CDC42EP3: variants seen among roughly 807,000 people sequenced by gnomAD.
CDC42EP3 encodes the protein CDC42 effector protein (Rho GTPase binding) 3.
Under a neutral mutation model 15.5 loss-of-function variants are expected in CDC42EP3, and 4 were observed. The observed-to-expected ratio is 0.26, with a 90% CI of 0.13 to 0.59. The LOEUF is 0.59. Ranked by LOEUF, CDC42EP3 falls within the 20% of genes least tolerant of loss-of-function variation. CDC42EP3 has a pLI of 0.89. For missense variants in CDC42EP3, 309 were observed against 311.2 expected, an observed-to-expected ratio of 0.99 and a Z score of 0.05; for synonymous variants, 145 against 130.3, an observed-to-expected ratio of 1.11 and a Z score of -0.77.
At chr2:37,660,948 G>C (rs1016092717) in intron 1 of CDC42EP3, among the ~76,000 whole-genome samples, 1 of 152,156 alleles carries the variant, frequency 6.6e-6, no homozygotes, top group Non-Finnish European at 1.5e-5. Flanking sequence ...TACCATATGG[G>C]AGTCCAGATT....
chr2:37,655,078 T>A (rs1665806080), intron 1 of CDC42EP3, among the ~76,000 whole-genome samples: 1 of 152,216 alleles, frequency 6.6e-6, no homozygotes, highest in Non-Finnish European at 1.5e-5. Flanking sequence ...GCCTTTTCTA[T>A]TTTTAGATTC....
chr2:37,651,691 T>C (rs1474471859), intron 1 of CDC42EP3, among the ~76,000 whole-genome samples: 1 of 151,720 alleles, frequency 6.6e-6, no homozygotes, highest in East Asian at 1.9e-4. Flanking sequence ...ATTCAACAGG[T>C]GGGAGAGGAT....
At chr2:37,665,377 C>G (rs1266616792) in intron 1 of CDC42EP3, among the ~76,000 whole-genome samples, 2 of 151,970 alleles carry the variant, frequency 1.3e-5, no homozygotes, top group African/African-American at 4.8e-5. Flanking sequence ...TGTTTTCTGA[C>G]TAGCTGGTCA....
At chr2:37,662,330 A>T (rs1332748787) in intron 1 of CDC42EP3, among the ~76,000 whole-genome samples, 1 of 152,192 alleles carries the variant, frequency 6.6e-6, no homozygotes. Flanking sequence ...CTGGCAGGCA[A>T]TGAGCCCATA....
At chr2:37,662,200 G>A (rs560818176) in intron 1 of CDC42EP3, among the ~76,000 whole-genome samples, 6 of 152,288 alleles carry the variant, frequency 3.9e-5, no homozygotes, top group South Asian at 2.1e-4. Flanking sequence ...ATTAAATTAA[G>A]GGTCCTGAGC....
intron 1 of CDC42EP3, among the ~76,000 whole-genome samples, chr2:37,653,729 T>G (rs147197431): frequency 6.2e-4 from 95 of 152,130 alleles, no homozygotes; most frequent in African/African-American, 2.1e-3. Flanking sequence ...CTACTAATTG[T>G]TTTTAGATTA....
intron 1 of CDC42EP3, among the ~76,000 whole-genome samples, chr2:37,656,990 A>ACCCCCCCC (rs1558340416): frequency 2.4e-5 from 1 of 42,300 alleles, no homozygotes; most frequent in African/African-American, 8.3e-5. Context: ...CCCCCCCCCC[A>ACCCCCCCC]CCCCCCGCCC....
chr2:37,663,270 A>G (rs1666135816), intron 1 of CDC42EP3, among the ~76,000 whole-genome samples: 1 of 152,226 alleles, frequency 6.6e-6, no homozygotes. Context: ...ACAAACATCC[A>G]TGGAGGGCCT....
In CDC42EP3 at chr2:37,645,415, G is replaced by A. The variant is rs1346030703; in HGVS notation, c.*408C>T. Reference sequence around the variant, plus strand: ...AGAAAAGAGTCTACAAAAAGGCTTAGGTGTTAAATAAATTTTGACTTCCTC... The same window carrying A: ...AGAAAAGAGTCTACAAAAAGGCTTAAGTGTTAAATAAATTTTGACTTCCTC... On this transcript the variant is annotated 3_prime_UTR_variant, in exon 2 of 2. Transcript: ENST00000295324. 6.4e-6 allele frequency: 1 copy of A among 157,398 alleles called. No individual in the cohort carries two copies. Among genetic ancestry groups the A allele is most frequent in the Non-Finnish European group, 1.4e-5 (1 of 71,402 alleles). The allele number at this position is 157,398 out of a possible 1,614,324, so 9.8% of individuals were successfully genotyped here. A position where few individuals can be genotyped will look rare whatever the true frequency, so the allele number is the denominator to read the frequency against.
At chr2:37,668,464 G>A (rs1406664641) in intron 1 of CDC42EP3, among the ~76,000 whole-genome samples, 1 of 152,202 alleles carries the variant, frequency 6.6e-6, no homozygotes, top group African/African-American at 2.4e-5. Context: ...CTGAGGTAAA[G>A]GTGAGGTAAC....
At chr2:37,669,028 G>T (rs189718024) in intron 1 of CDC42EP3, among the ~76,000 whole-genome samples, 98 of 152,196 alleles carry the variant, frequency 6.4e-4, no homozygotes, top group African/African-American at 2.3e-3. Context: ...AAGAAATACA[G>T]GTTCACAGGA....
chr2:37,653,575 G>A (rs962588884), intron 1 of CDC42EP3, among the ~76,000 whole-genome samples: 23 of 152,222 alleles, frequency 1.5e-4, no homozygotes, highest in African/African-American at 5.5e-4. Flanking sequence ...GGAAAATCAA[G>A]CGGTTTTAAA....
At chr2:37,666,151 C>T (rs947922118) in intron 1 of CDC42EP3, among the ~76,000 whole-genome samples, 26 of 152,164 alleles carry the variant, frequency 1.7e-4, no homozygotes, top group Admixed American at 1.5e-3. Flanking sequence ...TGGGTTGCTT[C>T]GGCTCTGTAG....
At chr2:37,650,847 T>G (rs919173247) in intron 1 of CDC42EP3, among the ~76,000 whole-genome samples, 1 of 152,094 alleles carries the variant, frequency 6.6e-6, no homozygotes, top group African/African-American at 2.4e-5. Flanking sequence ...AGGTCCAAAC[T>G]CAGTAGAGGC....
At chr2:37,649,443 CTCAAAAAAAAAA>C (rs1665592938) in intron 1 of CDC42EP3, among the ~76,000 whole-genome samples, 1 of 62,326 alleles carries the variant, frequency 1.6e-5, no homozygotes, top group African/African-American at 6.4e-5. Context: ...AAGGCCTTGT[CTCAAAAAAAAAA>C]AAAAAAAAAA....
chr2:37,660,559 C>T (rs1227799577), intron 1 of CDC42EP3, among the ~76,000 whole-genome samples: 1 of 152,152 alleles, frequency 6.6e-6, no homozygotes, highest in African/African-American at 2.4e-5. Flanking sequence ...TAAATACAAA[C>T]AATCTAACAT....
intron 1 of CDC42EP3, among the ~76,000 whole-genome samples, chr2:37,651,946 C>A (rs140951990): frequency 6.6e-6 from 1 of 151,856 alleles, no homozygotes; most frequent in Admixed American, 6.6e-5. Context: ...GAGGCCGAGG[C>A]GGGCAGATCA....
Position 37,646,329 on chromosome 2 carries a change from C to T in CDC42EP3, c.259G>A (p.Ala87Thr). ...QFPGHNEFFR[A>T]NSTSDSVFTE... Reference sequence around the variant, plus strand: ...AACACAGAGTCCGAGGTGCTGTTGGCCCGGAAGAACTCATTATGCCCAGGG... The same window carrying T: ...AACACAGAGTCCGAGGTGCTGTTGGTCCGGAAGAACTCATTATGCCCAGGG... The change falls in exon 2 of 2, where the codon GCC becomes ACC. Residue 87 changes from alanine to threonine, a missense_variant. Ala to Thr is a moderately conservative substitution (Grantham distance 58). Transcript: ENST00000295324. The T allele has an allele frequency of 1.2e-6, 2 of 1,614,056 alleles. No individual in the cohort carries two copies. The highest frequency in any genetic ancestry group is 1.7e-6 in the Non-Finnish European group (2 of 1,179,986).
At chr2:37,663,979 C>A (rs1666166311) in intron 1 of CDC42EP3, among the ~76,000 whole-genome samples, 1 of 152,058 alleles carries the variant, frequency 6.6e-6, no homozygotes, top group Non-Finnish European at 1.5e-5. Flanking sequence ...TGGAAACCAT[C>A]CTGGCTAAGG....
Sources: gnomAD v4.1 joint callset for allele counts (sites outside exome capture counted in the v4.1 genomes callset) on GRCh38, gnomAD v4.1.1 for gene constraint, MANE v1.5 for transcripts, NCBI Gene and HGNC (gene_info 2026-07-23, HGNC 2026-07-21) for gene names.